Variants in FREM2 observed in about 807,000 individuals in gnomAD.
The protein encoded by FREM2 is FRAS1 related extracellular matrix 2, also known as FRAS1-related extracellular matrix protein 2.
FREM2 carries 119 observed loss-of-function variants against 219.9 expected under a neutral mutation model. That is an observed-to-expected ratio of 0.54 (90% CI 0.47 to 0.63). FREM2 has a LOEUF of 0.63. Ranked by LOEUF, FREM2 falls within the 30% of genes least tolerant of loss-of-function variation. FREM2 has a pLI of 0.00. For missense variants in FREM2, 4,030 were observed against 3,993.6 expected (o/e 1.01, Z -0.25); for synonymous variants, 1,562 against 1,522.8 (o/e 1.03, Z -0.60).
rs557171253 is a variant in FREM2, at chr13:38,784,790, G to A, written c.6001G>A (p.Val2001Ile). ...SEFPGAQVTI[V>I]PDKDDEPIFY... ...GTTCCCAGGGGCTCAAGTTACAATC[G>A]TTCCTGACAAAGATGATGGTGAGTA... Residue 2001 changes from valine to isoleucine, a missense_variant, in exon 6 of 24, where the codon GTT becomes ATT. Transcript: ENST00000280481. 1.4e-5 allele frequency: 22 copies of A among 1,613,998 alleles called. No homozygotes were observed. The Admixed American group carries it at 2.2e-4, about 16-fold the overall frequency.
intron 3 of FREM2, among the ~76,000 whole-genome samples, chr13:38,766,869 C>T (rs1233400556): frequency 1.3e-5 from 2 of 152,144 alleles, no homozygotes; most frequent in Non-Finnish European, 2.9e-5. Context: ...TTCCCTGACT[C>T]AACAAATATT....
Position 38,878,857 on chromosome 13 carries a change from G to T in FREM2, c.8886G>T (p.Ala2962=). The T allele has an allele frequency of 6.2e-7, 1 of 1,614,116 alleles. No individual in the cohort carries two copies. Among genetic ancestry groups the T allele is most frequent in the Non-Finnish European group, 8.5e-7 (1 of 1,180,008 alleles). ...IVDKAQPETQ[A]TSFGNVLFNA... ...ACAAAGCTCAGCCAGAGACACAAGC[G>T]ACCAGTTTTGGAAATGTCCTATTTA... Residue 2962 remains alanine (A), a synonymous_variant, in exon 23 of 24, where the codon GCG becomes GCT. Transcript: ENST00000280481.
At chr13:38,772,703 T>G (rs1302379155) in intron 4 of FREM2, among the ~76,000 whole-genome samples, 1 of 1,460 alleles carries the variant, frequency 6.8e-4, no homozygotes, top group Admixed American at 5.8e-3. Context: ...CTCTCTCTCT[T>G]TTTTTTTTTT....
At chr13:38,766,424 ACATCCTTC>A (rs1167210925) in intron 3 of FREM2, among the ~76,000 whole-genome samples, 73 of 152,326 alleles carry the variant, frequency 4.8e-4, no homozygotes, top group African/African-American at 1.7e-3. Context: ...TGTGTGGCCC[ACATCCTTC>A]AGTCATTGAA....
At chr13:38,856,310 T>G in intron 12 of FREM2, 54 bp downstream of exon 12, 2 of 1,526,406 alleles carry the variant, frequency 1.3e-6, no homozygotes, top group Non-Finnish European at 1.8e-6. Context: ...TCAGAGGAAA[T>G]GCATAAAAGC....
At chr13:38,722,692 T>A (rs1020248170) in intron 2 of FREM2, among the ~76,000 whole-genome samples, 6 of 151,034 alleles carry the variant, frequency 4.0e-5, no homozygotes, top group African/African-American at 1.5e-4. Flanking sequence ...ACCACTGTTC[T>A]AACAAGATGG....
chr13:38,775,844 C>T (rs1873849865), intron 4 of FREM2, among the ~76,000 whole-genome samples: 1 of 152,134 alleles, frequency 6.6e-6, no homozygotes, highest in Admixed American at 6.6e-5. Context: ...GTCTCGAACT[C>T]CTGACCTCAA....
At chr13:38,740,716 A>G (rs572768909) in intron 2 of FREM2, among the ~76,000 whole-genome samples, 1 of 152,360 alleles carries the variant, frequency 6.6e-6, no homozygotes, top group African/African-American at 2.4e-5. Context: ...TTTTAATTGC[A>G]AATAGAAACA....
chr13:38,749,638 G>T (rs905305120), intron 2 of FREM2, among the ~76,000 whole-genome samples: 1 of 151,924 alleles, frequency 6.6e-6, no homozygotes, highest in African/African-American at 2.4e-5. Context: ...GTAGCTCCCT[G>T]GCCCCTACCC....
intron 6 of FREM2, among the ~76,000 whole-genome samples, chr13:38,832,483 A>G (rs528692279): frequency 6.6e-6 from 1 of 152,098 alleles, no homozygotes; most frequent in Non-Finnish European, 1.5e-5. Flanking sequence ...TTTCCTCACA[A>G]TCTCAGCTCT....
chr13:38,769,566 GT>G lies in FREM2; in HGVS notation c.5411-7del, dbSNP rs755551602. 1.3e-6 allele frequency: 2 copies of G among 1,597,080 alleles called. No homozygotes were observed. The highest frequency in any genetic ancestry group is 1.7e-6 in the Non-Finnish European group (2 of 1,164,878). ...AATGAAACTAAGAAAATGATATTAT[GT>G]TTTTGTGAAGGTATTGGCACAAGAG... On this transcript the variant is annotated splice_polypyrimidine_tract_variant and intron_variant, in intron 3 of 23. Transcript: ENST00000280481.
At chr13:38,852,255 T>G (rs998952841) in intron 11 of FREM2, among the ~76,000 whole-genome samples, 1 of 152,222 alleles carries the variant, frequency 6.6e-6, no homozygotes, top group African/African-American at 2.4e-5. Flanking sequence ...GTTTCTGAGC[T>G]GTTTCAATTA....
intron 6 of FREM2, among the ~76,000 whole-genome samples, chr13:38,838,451 T>A (rs1371121441): frequency 1.3e-5 from 2 of 152,194 alleles, no homozygotes; most frequent in Non-Finnish European, 2.9e-5. Context: ...GGGTTGCTCT[T>A]TTCAAGGAGT....
At chr13:38,816,493 A>G (rs1389805327) in intron 6 of FREM2, among the ~76,000 whole-genome samples, 1 of 152,222 alleles carries the variant, frequency 6.6e-6, no homozygotes, top group Non-Finnish European at 1.5e-5. Flanking sequence ...ATATCATTTC[A>G]ATAGAGGCAG....
intron 2 of FREM2, among the ~76,000 whole-genome samples, chr13:38,728,418 C>A (rs961271562): frequency 2.0e-5 from 3 of 151,822 alleles, no homozygotes; most frequent in African/African-American, 7.3e-5. Context: ...TATTATTATT[C>A]TTTTTTTAAA....
chr13:38,882,883 C>A lies in FREM2; in HGVS notation c.*2096C>A, dbSNP rs1449495906. 6.6e-6 allele frequency: 1 copy of A among 152,080 alleles called. No homozygotes were observed. Among genetic ancestry groups the A allele is most frequent in the Non-Finnish European group, 1.5e-5 (1 of 68,002 alleles). The allele number at this position is 152,080 out of a possible 1,614,324, so 9.4% of individuals were successfully genotyped here. On this transcript the variant is annotated 3_prime_UTR_variant, in exon 24 of 24. Transcript: ENST00000280481. ...TGATATTTTAGTAGTTAACAGCTTCCGAGCCTATCATGCAATTTGGAGTCT... is the reference window on the plus strand; with the variant it reads ...TGATATTTTAGTAGTTAACAGCTTCAGAGCCTATCATGCAATTTGGAGTCT...
At chr13:38,719,440 C>G (rs575109267) in intron 2 of FREM2, among the ~76,000 whole-genome samples, 15 of 152,194 alleles carry the variant, frequency 9.9e-5, no homozygotes, top group African/African-American at 3.4e-4. Context: ...AGGCTGGTTC[C>G]GAACCCCTGA....
At chr13:38,723,422 C>T (rs1437331206) in intron 2 of FREM2, among the ~76,000 whole-genome samples, 1 of 151,888 alleles carries the variant, frequency 6.6e-6, no homozygotes, top group Non-Finnish European at 1.5e-5. Context: ...TTTCCCTTGC[C>T]CCTGCTTATA....
chr13:38,687,312 A>C lies in FREM2; in HGVS notation c.-33A>C. Reference sequence around the variant, plus strand: ...CCGGGGACCGACTTCGCATGCTCTCAGGCTGACCTGTCCAAGCCCGAACAC... The same window carrying C: ...CCGGGGACCGACTTCGCATGCTCTCCGGCTGACCTGTCCAAGCCCGAACAC... On this transcript the variant is annotated 5_prime_UTR_variant, in exon 1 of 24. Coordinates refer to ENST00000280481, the MANE Select transcript of FREM2 (RefSeq NM_207361.6). 1.9e-6 allele frequency: 3 copies of C among 1,574,462 alleles called. No homozygotes were observed. The South Asian group carries it at 3.5e-5, about 18-fold the overall frequency.
Sources: gnomAD v4.1 joint callset for allele counts (sites outside exome capture counted in the v4.1 genomes callset) on GRCh38, gnomAD v4.1.1 for gene constraint, MANE v1.5 for transcripts, NCBI Gene and HGNC (gene_info 2026-07-23, HGNC 2026-07-21) for gene names.